Variants in CAMTA1 observed in about 807,000 individuals in gnomAD.
The protein encoded by CAMTA1 is calmodulin binding transcription activator 1, also known as calmodulin-binding transcription activator 1.
In CAMTA1, 27 loss-of-function variants were observed where a neutral mutation model predicts 170.9. The ratio of observed to expected loss-of-function variants is 0.16; its 90% CI spans 0.12 to 0.22. The LOEUF (loss-of-function observed/expected upper bound fraction) is 0.22. Ranked by LOEUF, CAMTA1 falls within the 10% of genes least tolerant of loss-of-function variation. The probability of loss-of-function intolerance (pLI) is 1.00; values close to 1 mark genes in which losing one functional copy is unlikely to be tolerated. For missense variants in CAMTA1, 1,619 were observed against 2,217.2 expected (o/e 0.73, Z 5.42); for synonymous variants, 833 against 891.5 (o/e 0.93, Z 1.17).
Position 7,570,343 on chromosome 1 carries a change from G to A in CAMTA1, c.511-70057G>A. ...GTCAATTACACTGTAACCTGAATTG[G>A]GGCCCTTTCAGAGAGGGCCGGAGAA... On this transcript the variant is annotated intron_variant, in intron 6 of 22. Coordinates refer to ENST00000303635, the MANE Select transcript of CAMTA1 (RefSeq NM_015215.4). The surrounding 1 kb of genome is among the most constrained non-coding windows in gnomAD (Gnocchi z 4.3). 6.6e-6 allele frequency among the ~76,000 whole-genome samples: 1 copy of A among 152,186 alleles called. No homozygotes were observed. The highest frequency in any genetic ancestry group is 1.9e-4 in the East Asian group (1 of 5,196).
intron 3 of CAMTA1, among the ~76,000 whole-genome samples, chr1:7,061,171 A>G (rs1708144994): frequency 6.6e-6 from 1 of 152,208 alleles, no homozygotes; most frequent in Admixed American, 6.5e-5. Context: ...GTCTTTGCCC[A>G]AAAGAGTTTG....
chr1:7,398,189 CTCTCTATATATATATATATATATAT>C (rs2089553059), intron 5 of CAMTA1, among the ~76,000 whole-genome samples: 1 of 32,316 alleles, frequency 3.1e-5, no homozygotes, highest in African/African-American at 1.4e-4. Flanking sequence ...CTCTCTCTCT[CTCTCTATATATATATATATATATAT>C]ATATATATAT....
At chr1:7,657,937 G>C (rs1175618543) in intron 7 of CAMTA1, among the ~76,000 whole-genome samples, 1 of 152,252 alleles carries the variant, frequency 6.6e-6, no homozygotes, top group African/African-American at 2.4e-5. Flanking sequence ...GAGGCAGAGA[G>C]AATGCGGCTG....
At chr1:7,330,414 G>A (rs141999564) in intron 5 of CAMTA1, among the ~76,000 whole-genome samples, 85 of 152,236 alleles carry the variant, frequency 5.6e-4, no homozygotes, top group African/African-American at 1.9e-3. Context: ...TTTCCTACCC[G>A]GAGCTCCCCT....
chr1:7,599,983 T>C (rs1375378046), intron 6 of CAMTA1, among the ~76,000 whole-genome samples: 1 of 152,192 alleles, frequency 6.6e-6, no homozygotes. Context: ...CTGTGTTGAA[T>C]AGGAGTGGTG....
intron 3 of CAMTA1, among the ~76,000 whole-genome samples, chr1:6,992,160 C>G (rs915610682): frequency 6.6e-6 from 1 of 152,204 alleles, no homozygotes; most frequent in Non-Finnish European, 1.5e-5. Context: ...GCCCTGACAC[C>G]TGGGGCTCAA....
chr1:7,151,664 G>C (rs762983341), intron 4 of CAMTA1, among the ~76,000 whole-genome samples: 1 of 152,244 alleles, frequency 6.6e-6, no homozygotes, highest in Non-Finnish European at 1.5e-5. Context: ...GCTTCTTAGA[G>C]CCTCCTCCAG....
intron 4 of CAMTA1, among the ~76,000 whole-genome samples, chr1:7,169,492 T>C (rs1195129213): frequency 2.6e-5 from 4 of 152,246 alleles, no homozygotes; most frequent in African/African-American, 9.6e-5. Flanking sequence ...GTTTTTTTAA[T>C]AATTTGTCAA....
At chr1:7,037,554 A>C (rs2101225104) in intron 3 of CAMTA1, among the ~76,000 whole-genome samples, 1 of 152,308 alleles carries the variant, frequency 6.6e-6, no homozygotes, top group African/African-American at 2.4e-5. Context: ...TAAATTTAAA[A>C]ACAGGCCGGG....
intron 3 of CAMTA1, chr1:6,874,492 C>T (rs563719493): frequency 6.6e-6 from 1 of 152,386 alleles, no homozygotes; most frequent in African/African-American, 2.4e-5. Flanking sequence ...GTGGCTGATC[C>T]TCACACCCAG....
At chr1:7,137,970 C>T (rs1208301374) in intron 4 of CAMTA1, among the ~76,000 whole-genome samples, 1 of 152,096 alleles carries the variant, frequency 6.6e-6, no homozygotes, top group African/African-American at 2.4e-5. Flanking sequence ...CATAGGGACT[C>T]AGTACATTTT....
In CAMTA1 at chr1:7,136,886, G is replaced by A. The variant is rs920602042; in HGVS notation, c.302+45515G>A. On this transcript the variant is annotated intron_variant, in intron 4 of 22. Transcript: ENST00000303635. ...CCAGGGTTCGGTCATCATCTTCTCC[G>A]TTTCTCTACCCAAATGCTCCCTGGT... 6.6e-5 allele frequency among the ~76,000 whole-genome samples: 10 copies of A among 152,218 alleles called. No homozygotes were observed. The East Asian group carries it at 9.7e-4, about 15-fold the overall frequency.
intron 6 of CAMTA1, among the ~76,000 whole-genome samples, chr1:7,496,900 A>G (rs1216970112): frequency 6.6e-6 from 1 of 151,902 alleles, no homozygotes; most frequent in East Asian, 2.0e-4. Context: ...GGCCAGACAC[A>G]GCCCAAGAGC....
intron 16 of CAMTA1, among the ~76,000 whole-genome samples, chr1:7,739,487 C>A (rs2096794983): frequency 1.3e-5 from 2 of 152,174 alleles, no homozygotes; most frequent in South Asian, 4.1e-4. Context: ...CGTATTAGTC[C>A]ATTCTCACGC....
At chr1:7,710,496 A>T (rs1049856390) in intron 11 of CAMTA1, among the ~76,000 whole-genome samples, 11 of 151,020 alleles carry the variant, frequency 7.3e-5, no homozygotes, top group Admixed American at 3.3e-4. Context: ...GCTACTCAGG[A>T]GGCTGAAGCA....
chr1:7,695,423 G>A (rs2096365622), intron 11 of CAMTA1, among the ~76,000 whole-genome samples: 1 of 152,216 alleles, frequency 6.6e-6, no homozygotes, highest in African/African-American at 2.4e-5. Flanking sequence ...GTGAGTGGGT[G>A]CTCATTTTTA....
chr1:7,277,954 C>T (rs557888920), intron 5 of CAMTA1, among the ~76,000 whole-genome samples: 34 of 152,106 alleles, frequency 2.2e-4, no homozygotes, highest in Non-Finnish European at 2.4e-4. Context: ...GAAATCACAC[C>T]GTGAGAAAGA....
At chr1:7,258,039 TCTGAAAAGTGAGTC>T (rs1220313251) in intron 5 of CAMTA1, among the ~76,000 whole-genome samples, 1 of 152,170 alleles carries the variant, frequency 6.6e-6, no homozygotes, top group African/African-American at 2.4e-5. Context: ...TCGTGCTCCC[TCTGAAAAGTGAGTC>T]CTGGATGTTT....
intron 4 of CAMTA1, among the ~76,000 whole-genome samples, chr1:7,160,327 C>T (rs1303392075): frequency 6.6e-6 from 1 of 152,182 alleles, no homozygotes; most frequent in Non-Finnish European, 1.5e-5. Context: ...CCTGTCCCTC[C>T]CCAAATGTCC....
Sources: gnomAD v4.1 joint callset for allele counts (sites outside exome capture counted in the v4.1 genomes callset) on GRCh38, gnomAD v4.1.1 for gene constraint, Gnocchi (gnomAD v3.1) non-coding constraint, MANE v1.5 for transcripts, NCBI Gene and HGNC (gene_info 2026-07-23, HGNC 2026-07-21) for gene names.